The following DDR2 variants were observed in gnomAD, a reference collection of about 807,000 sequenced individuals.
DDR2 encodes the protein discoidin domain receptor tyrosine kinase 2.
Under a neutral mutation model 94.9 loss-of-function variants are expected in DDR2, and 27 were observed. The observed-to-expected ratio is 0.28, with a 90% CI of 0.21 to 0.39. The LOEUF is 0.39. Ranked by LOEUF, DDR2 falls within the 10% of genes least tolerant of loss-of-function variation. The probability of loss-of-function intolerance (pLI) is 1.00; values close to 1 mark genes in which losing one functional copy is unlikely to be tolerated. For missense variants in DDR2, 783 were observed against 1,076.0 expected (o/e 0.73, Z 3.81); for synonymous variants, 382 against 377.2 (o/e 1.01, Z -0.15).
intron 1 of DDR2, among the ~76,000 whole-genome samples, chr1:162,636,442 T>A (rs539114639): frequency 6.6e-6 from 1 of 152,316 alleles, no homozygotes; most frequent in South Asian, 2.1e-4. Flanking sequence ...TTGTGATTTG[T>A]GCCTAAAAGA....
rs1294173919 is a variant in DDR2 at position 162,785,596 on chromosome 1, A to G, written c.*5350A>G. On this transcript the variant is annotated 3_prime_UTR_variant, in exon 18 of 18. Transcript: ENST00000367921. ...GATTATAACAATGTGTGTCTTACTA[A>G]GTTTCTAGGTCATTGTGAGCACTTG... 3 of 152,180 alleles carry G rather than the reference A, an allele frequency of 2.0e-5. No individual in the cohort carries two copies. The highest frequency in any genetic ancestry group is 4.4e-5 in the Non-Finnish European group (3 of 68,018). 9.4% of individuals were successfully genotyped at this position (152,180 alleles called of 1,614,324 possible).
intron 2 of DDR2, among the ~76,000 whole-genome samples, chr1:162,694,532 G>A (rs889723707): frequency 6.6e-6 from 1 of 151,984 alleles, no homozygotes; most frequent in Non-Finnish European, 1.5e-5. Flanking sequence ...TTAAACCTTG[G>A]CCAAGTCCCT....
Position 162,755,746 on chromosome 1 carries a change from C to G in DDR2, c.648C>G (p.Val216=), listed in dbSNP as rs1244209667. 1 of 1,613,960 alleles carries G rather than the reference C, an allele frequency of 6.2e-7. No homozygotes were observed. Among genetic ancestry groups the G allele is most frequent in the Non-Finnish European group, 8.5e-7 (1 of 1,179,976 alleles). The part of the protein sequence containing the change: ...GGSIIYLNDS[V]YDGAVGYSMT... ...CCATCATTTATCTGAATGATTCTGT[C>G]TATGATGGAGCTGTTGGATACAGGT... The change falls in exon 7 of 18, where the codon GTC becomes GTG. Residue 216 remains valine, a synonymous_variant. Coordinates refer to ENST00000367921, the MANE Select transcript of DDR2 (RefSeq NM_006182.4).
intron 7 of DDR2, among the ~76,000 whole-genome samples, chr1:162,759,520 A>G (rs1308718521): frequency 2.0e-5 from 3 of 152,252 alleles, no homozygotes; most frequent in Non-Finnish European, 4.4e-5. Flanking sequence ...AAAGCTTTTC[A>G]TATTAAATAA....
At position 162,759,787 on chromosome 1, in the gene DDR2, C is replaced by A. The variant is rs376919678; in HGVS notation, c.672-9C>A. ...TCTCCTTTTCCTCCTCTTCTCCTGG[C>A]CTGAGCAGCATGACAGAAGGGCTAG... On this transcript the variant is annotated splice_polypyrimidine_tract_variant and intron_variant, in intron 7 of 17. Transcript: ENST00000367921. The A allele has an allele frequency of 2.5e-5, 41 of 1,613,692 alleles. No homozygotes were observed. In the African/African-American group the frequency reaches 5.1e-4, roughly 20 times the overall value.
In DDR2 at chr1:162,732,487, C is replaced by G. The variant is rs138025647; in HGVS notation, c.82+13342C>G. 2.3e-3 allele frequency among the ~76,000 whole-genome samples: 357 copies of G among 152,296 alleles called. 3 individuals are homozygous for G. Among genetic ancestry groups the G allele is most frequent in the African/African-American group, 8.2e-3 (342 of 41,558 alleles). ...GAATTTCAGTCCTGGTTACCCTAGC[C>G]CTCTGTGTGAACTTGAGTAAGTCAC... On this transcript the variant is annotated intron_variant, in intron 3 of 17. Coordinates refer to ENST00000367921, the MANE Select transcript of DDR2 (RefSeq NM_006182.4).
chr1:162,762,238 C>T (rs1018643544), intron 9 of DDR2, among the ~76,000 whole-genome samples: 1 of 152,132 alleles, frequency 6.6e-6, no homozygotes, highest in Non-Finnish European at 1.5e-5. Context: ...TGGCTGATGG[C>T]TTTCTGTGGT....
intron 3 of DDR2, among the ~76,000 whole-genome samples, chr1:162,750,750 A>G (rs1462087777): frequency 6.6e-6 from 1 of 152,228 alleles, no homozygotes; most frequent in African/African-American, 2.4e-5. Flanking sequence ...AAACTATACT[A>G]CAAGGCTACA....
chr1:162,731,089 A>G (rs1299676767), intron 3 of DDR2, among the ~76,000 whole-genome samples: 1 of 152,182 alleles, frequency 6.6e-6, no homozygotes, highest in Non-Finnish European at 1.5e-5. Context: ...CAAGTAGATG[A>G]TTTATGAATT....
At chr1:162,683,500 G>A (rs1469197769) in intron 2 of DDR2, among the ~76,000 whole-genome samples, 1 of 152,066 alleles carries the variant, frequency 6.6e-6, no homozygotes, top group African/African-American at 2.4e-5. Context: ...GGCTCAACAA[G>A]CTCACCGGAT....
chr1:162,641,090 A>G (rs1445257915), intron 1 of DDR2, among the ~76,000 whole-genome samples: 1 of 152,206 alleles, frequency 6.6e-6, no homozygotes, highest in Non-Finnish European at 1.5e-5. Context: ...TTGGTATGGT[A>G]GAAAGAGTGA....
upstream of DDR2, chr1:162,631,488 C>A (rs187094762): frequency 2.0e-5 from 3 of 152,348 alleles, no homozygotes; most frequent in Non-Finnish European, 4.4e-5. Flanking sequence ...CCATCTACCT[C>A]TCTCTTTGGA....
At chr1:162,761,953 G>T (rs1174216651) in intron 9 of DDR2, among the ~76,000 whole-genome samples, 1 of 152,028 alleles carries the variant, frequency 6.6e-6, no homozygotes, top group Non-Finnish European at 1.5e-5. Flanking sequence ...GCAAATAATT[G>T]GACTGCATCT....
chr1:162,702,187 G>T (rs2101997148), intron 2 of DDR2, among the ~76,000 whole-genome samples: 1 of 152,166 alleles, frequency 6.6e-6, no homozygotes, highest in South Asian at 2.1e-4. Flanking sequence ...GCGTTGTTGT[G>T]CATAAAGTTC....
At chr1:162,700,049 T>C (rs909479012) in intron 2 of DDR2, among the ~76,000 whole-genome samples, 5 of 152,204 alleles carry the variant, frequency 3.3e-5, no homozygotes, top group African/African-American at 4.8e-5. Flanking sequence ...TCTGCAACTC[T>C]ATTTTCAAAC....
chr1:162,727,631 T>C (rs1661763068), intron 3 of DDR2, among the ~76,000 whole-genome samples: 1 of 149,632 alleles, frequency 6.7e-6, no homozygotes, highest in African/African-American at 2.4e-5. Context: ...CATCAAACAT[T>C]TGTTGATTGC....
chr1:162,691,123 C>T (rs924609562), intron 2 of DDR2, among the ~76,000 whole-genome samples: 1 of 152,200 alleles, frequency 6.6e-6, no homozygotes, highest in South Asian at 2.1e-4. Flanking sequence ...CCTGACACAG[C>T]GGGCCCACAG....
At chr1:162,739,635 A>T (rs1358370719) in intron 3 of DDR2, among the ~76,000 whole-genome samples, 1 of 152,124 alleles carries the variant, frequency 6.6e-6, no homozygotes, top group Admixed American at 6.5e-5. Flanking sequence ...TCCACTATTG[A>T]TGGGCACCTA....
chr1:162,654,602 A>G (rs1057114619), intron 1 of DDR2, among the ~76,000 whole-genome samples: 11 of 152,092 alleles, frequency 7.2e-5, no homozygotes, highest in Non-Finnish European at 1.6e-4. Flanking sequence ...TGGAAATGAG[A>G]CTCACTTTTC....
Sources: allele counts gnomAD v4.1 joint callset (sites outside exome capture counted in the v4.1 genomes callset), GRCh38; gene constraint gnomAD v4.1.1; transcripts MANE v1.5; gene names NCBI Gene and HGNC (gene_info 2026-07-23, HGNC 2026-07-21).